Variants in MYO9B observed in about 807,000 individuals in gnomAD.
MYO9B encodes the protein unconventional myosin-IXb.
Under a neutral mutation model 229.5 loss-of-function variants are expected in MYO9B, and 71 were observed. That is an observed-to-expected ratio of 0.31 (90% confidence interval 0.26 to 0.38). The LOEUF (loss-of-function observed/expected upper bound fraction) is 0.38, where lower values mean the gene tolerates loss of function less well. Among genes scored for constraint, MYO9B ranks in the 10% least tolerant of loss-of-function variants. The pLI, the probability that MYO9B is intolerant of heterozygous loss-of-function variation, is 1.00. For missense variants in MYO9B, 2,255 were observed against 2,920.5 expected (o/e 0.77, Z 5.25); for synonymous variants, 1,185 against 1,235.8 (o/e 0.96, Z 0.86).
At chr19:17,206,182 C>A in intron 32 of MYO9B, 30 bp downstream of exon 32, 1 of 1,606,796 alleles carries the variant, frequency 6.2e-7, no homozygotes. Flanking sequence ...GGGTGCAGTG[C>A]CAGGCCCCAG....
chr19:17,090,898 G>T (rs992819313), intron 1 of MYO9B, among the ~76,000 whole-genome samples: 6 of 152,006 alleles, frequency 3.9e-5, no homozygotes, highest in African/African-American at 1.4e-4. Context: ...TTCCATTCCC[G>T]CCAGAACCAG....
intron 15 of MYO9B, among the ~76,000 whole-genome samples, chr19:17,181,774 G>A (rs189417162): frequency 7.2e-5 from 11 of 152,062 alleles, no homozygotes; most frequent in Admixed American, 3.9e-4. Flanking sequence ...TCTTTATTTC[G>A]TTCTTTCGTT....
intron 3 of MYO9B, among the ~76,000 whole-genome samples, chr19:17,151,531 G>C (rs1290481585): frequency 6.6e-6 from 1 of 152,192 alleles, no homozygotes; most frequent in South Asian, 2.1e-4. Context: ...CACAAAAGAC[G>C]TCAATGTATA....
chr19:17,200,103 C>G (rs1042211519), intron 24 of MYO9B, among the ~76,000 whole-genome samples, 190 bp from the exon 25 acceptor site: 5 of 152,094 alleles, frequency 3.3e-5, no homozygotes, highest in African/African-American at 1.2e-4. Flanking sequence ...AAACTCCTGA[C>G]CTCAGATGAT....
In MYO9B at chr19:17,192,767, C is replaced by T. The variant is rs571109213; in HGVS notation, c.2833C>T (p.Arg945Trp). 12 of 1,549,606 alleles carry T rather than the reference C, an allele frequency of 7.7e-6. No individual in the cohort carries two copies. The highest frequency in any genetic ancestry group is 1.9e-5 in the Admixed American group (1 of 51,778). Residue 945 changes from arginine (R) to tryptophan (W), a missense_variant, in exon 21 of 40, where the codon CGG (arginine) becomes TGG (tryptophan). By Grantham distance (101) the Arg-to-Trp change is moderately radical. Transcript: ENST00000682292. ...KTKVFLKETE[R>W]QALQETLHRE... ...CCAGGTCTTCCTGAAGGAGACGGAG[C>T]GGCAAGCCCTGCAGGAGACGCTGCA...
intron 8 of MYO9B, among the ~76,000 whole-genome samples, 200 bp from the exon 9 acceptor site, chr19:17,162,150 C>A (rs993068996): frequency 6.6e-6 from 1 of 152,064 alleles, no homozygotes; most frequent in Non-Finnish European, 1.5e-5. Context: ...AGTAAAAATA[C>A]AAAAATTAGC....
chr19:17,185,561 AAAAC>A (rs2072909771), intron 17 of MYO9B, among the ~76,000 whole-genome samples: 2 of 139,048 alleles, frequency 1.4e-5, no homozygotes, highest in African/African-American at 5.7e-5. Flanking sequence ...AAAAAAAAAC[AAAAC>A]AAAACAAAAA....
chr19:17,211,894 G>T lies in MYO9B; in HGVS notation c.6059-1G>T. 6.3e-7 allele frequency: 1 copy of T among 1,583,240 alleles called. No homozygotes were observed. On this transcript the variant is annotated splice_acceptor_variant, in intron 39 of 39. Coordinates refer to ENST00000682292, the MANE Select transcript of MYO9B (RefSeq NM_004145.4). LOFTEE classifies it high-confidence loss of function. Reference sequence around the variant, plus strand: ...TAACCCTGCCATCTGTCTCTCAAAAGGGCCCCCTGCGCCTGCTCTCCCTTG... The same window carrying T: ...TAACCCTGCCATCTGTCTCTCAAAATGGCCCCCTGCGCCTGCTCTCCCTTG...
Position 17,205,858 on chromosome 19 carries a change from G to A in MYO9B, c.5065-102G>A, listed in dbSNP as rs141932385. 3.5e-6 allele frequency: 4 copies of A among 1,152,464 alleles called. No individual in the cohort carries two copies. The Admixed American group carries it at 8.4e-5, about 24-fold the overall frequency. The allele number at this position is 1,152,464 out of a possible 1,614,324, so 71.4% of individuals were successfully genotyped here. A position where few individuals can be genotyped will look rare whatever the true frequency, so the allele number is the denominator to read the frequency against. On this transcript the variant is annotated intron_variant, in intron 31 of 39. Transcript: ENST00000682292. ...AGGGAGGGACAGAACAGCAGAGGAA[G>A]CCCTGAGGGCCTTGTGCGGGACCAG...
At chr19:17,150,386 T>C (rs947642982) in intron 3 of MYO9B, among the ~76,000 whole-genome samples, 1 of 146,284 alleles carries the variant, frequency 6.8e-6, no homozygotes, top group East Asian at 2.0e-4. Context: ...CCAGCCTGGG[T>C]GGCAGAGTGA....
intron 1 of MYO9B, among the ~76,000 whole-genome samples, chr19:17,090,433 G>T (rs977814420): frequency 1.3e-5 from 2 of 152,186 alleles, no homozygotes; most frequent in Non-Finnish European, 2.9e-5. Context: ...TTAGAGGCGT[G>T]AGCCGCCTCA....
chr19:17,136,756 GC>G (rs1384402589), intron 2 of MYO9B, among the ~76,000 whole-genome samples: 1 of 152,034 alleles, frequency 6.6e-6, no homozygotes, highest in African/African-American at 2.4e-5. Context: ...CCACCGACCA[GC>G]CCCCTGGGTT....
At chr19:17,152,748 T>C (rs1340886492) in intron 4 of MYO9B, 42 bp downstream of exon 4, 9 of 1,533,574 alleles carry the variant, frequency 5.9e-6, no homozygotes, top group Non-Finnish European at 8.1e-6. Context: ...TGCCACGCCA[T>C]GTCTACGTTT....
intron 1 of MYO9B, among the ~76,000 whole-genome samples, chr19:17,081,109 C>A (rs994897925): frequency 2.0e-5 from 3 of 152,104 alleles, no homozygotes; most frequent in Non-Finnish European, 4.4e-5. Context: ...CTCACTGCAA[C>A]CTCTGTCTCC....
chr19:17,171,550 G>A (rs886712134), intron 11 of MYO9B, among the ~76,000 whole-genome samples: 8 of 152,276 alleles, frequency 5.3e-5, no homozygotes, highest in South Asian at 2.1e-4. Context: ...CTTTGCAGAC[G>A]CCACCAAGCC....
intron 1 of MYO9B, among the ~76,000 whole-genome samples, chr19:17,084,368 T>G (rs182258506): frequency 3.2e-4 from 48 of 151,844 alleles, no homozygotes; most frequent in African/African-American, 1.1e-3. Flanking sequence ...GAATGTATTC[T>G]GTGTATTCTG....
At chr19:17,177,728 G>C (rs1410920421) in intron 14 of MYO9B, 2 of 152,434 alleles carry the variant, frequency 1.3e-5, no homozygotes, top group East Asian at 3.9e-4. Context: ...CATCTCCCCA[G>C]GGCCTGGCCA....
chr19:17,144,214 TC>T, intron 2 of MYO9B, among the ~76,000 whole-genome samples: 1 of 151,986 alleles, frequency 6.6e-6, no homozygotes, highest in Non-Finnish European at 1.5e-5. Context: ...AGACCCCATC[TC>T]AAAAATAATA....
intron 29 of MYO9B, 116 bp from the exon 30 acceptor site, chr19:17,203,031 A>T: frequency 1.5e-6 from 2 of 1,355,520 alleles, no homozygotes; most frequent in Non-Finnish European, 2.0e-6. Flanking sequence ...CCCGGCATAT[A>T]CGGAGCCGTA....
Sources: allele counts gnomAD v4.1 joint callset (sites outside exome capture counted in the v4.1 genomes callset), GRCh38; gene constraint gnomAD v4.1.1; transcripts MANE v1.5; gene names NCBI Gene and HGNC (gene_info 2026-07-23, HGNC 2026-07-21).